The following KANSL1 variants were observed in gnomAD, a reference collection of about 807,000 sequenced individuals.
KANSL1 encodes KAT8 regulatory NSL complex subunit 1, also known as MLL1/MLL complex subunit KANSL1.
In KANSL1, 22 loss-of-function variants were observed where a neutral mutation model predicts 103.6. The ratio of observed to expected loss-of-function variants is 0.21; its 90% CI spans 0.15 to 0.30. The LOEUF (loss-of-function observed/expected upper bound fraction) is 0.30. Ranked by LOEUF, KANSL1 falls within the 10% of genes least tolerant of loss-of-function variation. The pLI, the probability that KANSL1 is intolerant of heterozygous loss-of-function variation, is 1.00. For missense variants in KANSL1, 1,337 were observed against 1,399.8 expected (o/e 0.96, Z 0.72); for synonymous variants, 600 against 527.6 (o/e 1.14, Z -1.88).
At chr17:46,087,726 G>A (rs1194973461) in intron 3 of KANSL1, among the ~76,000 whole-genome samples, 1 of 152,110 alleles carries the variant, frequency 6.6e-6, no homozygotes, top group Non-Finnish European at 1.5e-5. Flanking sequence ...TATATTTTGA[G>A]CTATACTTAT....
In KANSL1 at chr17:46,108,698, TG is replaced by T. The variant is rs569302595; in HGVS notation, c.1290-13998del. On this transcript the variant is annotated intron_variant, in intron 2 of 14. Coordinates refer to ENST00000432791, the MANE Select transcript of KANSL1 (RefSeq NM_015443.4). Reference sequence around the variant, plus strand: ...GAGAGAGGGAATGAGGGTAACAGGCTGGAACTATGATCCTAACTTTTCCTTA... The same window carrying T: ...GAGAGAGGGAATGAGGGTAACAGGCTGAACTATGATCCTAACTTTTCCTTA... Among the ~76,000 whole-genome samples, 4 of 152,324 alleles carry T rather than the reference TG, an allele frequency of 2.6e-5. No individual in the cohort carries two copies. In the South Asian group the frequency reaches 8.3e-4, roughly 32 times the overall value.
intron 7 of KANSL1, among the ~76,000 whole-genome samples, chr17:46,048,973 C>CT (rs1247342330): frequency 2.0e-5 from 3 of 152,086 alleles, no homozygotes; most frequent in Non-Finnish European, 2.9e-5. Context: ...GACCATGTAA[C>CT]TGAGCTCAGA....
chr17:46,123,877 AAAC>A lies in KANSL1; in HGVS notation c.1290-29179_1290-29177del, dbSNP rs1236438437. Among the ~76,000 whole-genome samples, 7 of 152,380 alleles carry A rather than the reference AAAC, an allele frequency of 4.6e-5. No individual in the cohort carries two copies. In the East Asian group the frequency reaches 1.3e-3, roughly 29 times the overall value. ...GATCATCGATGAAGATGGCTCCATT[AAAC>A]AACATGTCAGCAATGTAGAAAAAAC... is the stretch of plus-strand genomic sequence containing the variant. On this transcript the variant is annotated intron_variant, in intron 2 of 14. Transcript: ENST00000432791.
chr17:46,174,479 G>A (rs982338607), intron 1 of KANSL1, among the ~76,000 whole-genome samples: 2 of 152,154 alleles, frequency 1.3e-5, no homozygotes, highest in South Asian at 2.1e-4. Context: ...TGCCACATTC[G>A]GACTTTCTGA....
chr17:46,141,024 A>G (rs2044393146), intron 2 of KANSL1, among the ~76,000 whole-genome samples: 1 of 152,232 alleles, frequency 6.6e-6, no homozygotes, highest in South Asian at 2.1e-4. Context: ...ATAAAGGATC[A>G]GAAATTCAGA....
At chr17:46,188,101 G>T (rs1342077931) in intron 1 of KANSL1, among the ~76,000 whole-genome samples, 1 of 152,120 alleles carries the variant, frequency 6.6e-6, no homozygotes, top group Non-Finnish European at 1.5e-5. Flanking sequence ...AATAATAATA[G>T]TTACCCCCTG....
intron 3 of KANSL1, among the ~76,000 whole-genome samples, chr17:46,087,467 T>C (rs894638551): frequency 3.3e-5 from 5 of 152,244 alleles, no homozygotes; most frequent in Admixed American, 6.5e-5. Context: ...GTAGCATCTA[T>C]TGAGTGGCTA....
intron 2 of KANSL1, among the ~76,000 whole-genome samples, chr17:46,130,386 G>GTAAA (rs2043805614): frequency 6.6e-6 from 1 of 152,070 alleles, no homozygotes; most frequent in African/African-American, 2.4e-5. Context: ...TTAAAGTAGA[G>GTAAA]GATTTAAATA....
intron 4 of KANSL1, among the ~76,000 whole-genome samples, chr17:46,078,669 G>C (rs1469730918): frequency 2.0e-5 from 3 of 152,204 alleles, no homozygotes; most frequent in Admixed American, 2.0e-4. Context: ...AAATTTTGCT[G>C]ACATTGTTGA....
chr17:46,207,501 TC>T (rs1411477574), intron 1 of KANSL1, among the ~76,000 whole-genome samples: 1 of 136,312 alleles, frequency 7.3e-6, no homozygotes, highest in Non-Finnish European at 1.5e-5. Context: ...AGAGCAAGAC[TC>T]CATCTCCAAA....
At chr17:46,179,575 G>A (rs2046684775) in intron 1 of KANSL1, among the ~76,000 whole-genome samples, 1 of 152,182 alleles carries the variant, frequency 6.6e-6, no homozygotes. Context: ...ACAAAGGACG[G>A]AAAGAAACAG....
intron 2 of KANSL1, among the ~76,000 whole-genome samples, chr17:46,119,433 G>A (rs112813897): frequency 0.14 from 21,641 of 151,586 alleles, 2,109 homozygotes; most frequent in Non-Finnish European, 0.22. Context: ...CAGCCTCCCG[G>A]GTAGCTGGAA....
intron 2 of KANSL1, among the ~76,000 whole-genome samples, chr17:46,124,442 A>C (rs1456975899): frequency 6.6e-6 from 1 of 152,216 alleles, no homozygotes; most frequent in Non-Finnish European, 1.5e-5. Context: ...TCTGAAAGAG[A>C]TGTACAAGGA....
chr17:46,216,709 C>G (rs1444375939), intron 1 of KANSL1, among the ~76,000 whole-genome samples: 1 of 152,076 alleles, frequency 6.6e-6, no homozygotes, highest in African/African-American at 2.4e-5. Context: ...TCAATTTGCA[C>G]CAAAATTTTC....
chr17:46,172,364 A>G (rs967179720), intron 1 of KANSL1, 132 bp from the exon 2 acceptor site: 1 of 571,978 alleles, frequency 1.7e-6, no homozygotes, highest in Admixed American at 3.6e-5. Flanking sequence ...AGCTAACTGT[A>G]CCACAGTTAT....
upstream of KANSL1, chr17:46,193,618 TGGCCG>T (rs2047483416): frequency 3.4e-6 from 1 of 291,930 alleles, no homozygotes; most frequent in Non-Finnish European, 7.2e-6. Flanking sequence ...CTCCTCGCCG[TGGCCG>T]ATGTTTTTGT....
chr17:46,191,532 A>C (rs1170985758), intron 1 of KANSL1, among the ~76,000 whole-genome samples: 1 of 152,258 alleles, frequency 6.6e-6, no homozygotes, highest in African/African-American at 2.4e-5. Context: ...ACATATTCTA[A>C]CGTACTAGTT....
rs2043490096 is a variant in KANSL1 at position 46,125,101 on chromosome 17, A to AGG, written c.1290-30401_1290-30400insCC. Among the ~76,000 whole-genome samples the AGG allele has an allele frequency of 4.2e-4, 8 of 19,032 alleles. 1 individual carries two copies. Among genetic ancestry groups the AGG allele is most frequent in the South Asian group, 4.2e-3 (2 of 480 alleles). 12.5% of individuals were successfully genotyped at this position (19,032 alleles called of 152,430 possible). Reference sequence around the variant, plus strand: ...GGGAGGGAGAGAGGGAGGGAGGGAGAGAGGGAGGGAGGGAGGGAGGGAAAG... The same window carrying AGG: ...GGGAGGGAGAGAGGGAGGGAGGGAGAGGGAGGGAGGGAGGGAGGGAGGGAAAG... On this transcript the variant is annotated intron_variant, in intron 2 of 14. Transcript: ENST00000432791.
intron 1 of KANSL1, among the ~76,000 whole-genome samples, chr17:46,178,930 G>A (rs2532253): frequency 0.12 from 18,382 of 150,114 alleles, 22 homozygotes; most frequent in Middle Eastern, 0.19. Context: ...TTGCACCATC[G>A]GTCCAAGGAC....
Sources: gnomAD v4.1 joint callset for allele counts (sites outside exome capture counted in the v4.1 genomes callset) on GRCh38, gnomAD v4.1.1 for gene constraint, MANE v1.5 for transcripts, NCBI Gene and HGNC (gene_info 2026-07-23, HGNC 2026-07-21) for gene names.